GMDS: variants seen among roughly 807,000 people sequenced by gnomAD.
GMDS encodes the protein GDP-mannose 4,6-dehydratase.
A neutral mutation model predicts 49.9 loss-of-function variants in GMDS; 20 were observed. The ratio of observed to expected loss-of-function variants is 0.40; its 90% CI spans 0.28 to 0.58. GMDS has a LOEUF of 0.58. GMDS is among the 20% of genes least tolerant of loss of function. The pLI, the probability that GMDS is intolerant of heterozygous loss-of-function variation, is 0.42. For missense variants in GMDS, 362 were observed against 481.4 expected (o/e 0.75, Z 2.32); for synonymous variants, 177 against 178.6 (o/e 0.99, Z 0.07).
chr6:1,792,084 C>T (rs570211341), intron 7 of GMDS, among the ~76,000 whole-genome samples: 1 of 152,208 alleles, frequency 6.6e-6, no homozygotes, highest in Admixed American at 6.5e-5. Context: ...ACTCACTTCC[C>T]CTCTATAATT....
At chr6:2,115,993 G>A in intron 3 of GMDS, 113 bp from the exon 4 acceptor site, 2 of 684,348 alleles carry the variant, frequency 2.9e-6, no homozygotes, top group South Asian at 1.7e-5. Flanking sequence ...GGGTCAAAAT[G>A]GAAATGCTGT....
intron 7 of GMDS, among the ~76,000 whole-genome samples, chr6:1,776,208 A>G (rs1452619666): frequency 6.6e-6 from 1 of 152,210 alleles, no homozygotes; most frequent in Non-Finnish European, 1.5e-5. Context: ...GCAGTGAATA[A>G]AGACCATTTC....
chr6:1,799,390 C>A (rs1327027997), intron 7 of GMDS, among the ~76,000 whole-genome samples: 1 of 152,128 alleles, frequency 6.6e-6, no homozygotes, highest in Non-Finnish European at 1.5e-5. Context: ...CAACACGGTG[C>A]CTTTTGACTC....
chr6:1,782,891 T>C lies in GMDS; in HGVS notation c.772-40305A>G, dbSNP rs368516708. Among the ~76,000 whole-genome samples, 4 of 152,328 alleles carry C rather than the reference T, an allele frequency of 2.6e-5. 1 individual carries two copies. In the East Asian group the frequency reaches 7.7e-4, roughly 29 times the overall value. ...CACAGAGGCTGGGTGTGGTGGCTCA[T>C]GCCTGTAATCCCAAAACTTTCGGAG... On this transcript the variant is annotated intron_variant, in intron 7 of 10. Transcript: ENST00000380815.
intron 7 of GMDS, among the ~76,000 whole-genome samples, chr6:1,854,387 C>T (rs989502079): frequency 2.0e-5 from 3 of 152,212 alleles, no homozygotes; most frequent in Non-Finnish European, 4.4e-5. Context: ...CACCAAAACA[C>T]AACACGCTGA....
chr6:2,073,572 C>T (rs1345124745), intron 4 of GMDS, among the ~76,000 whole-genome samples: 1 of 152,142 alleles, frequency 6.6e-6, no homozygotes, highest in Non-Finnish European at 1.5e-5. Flanking sequence ...AGTCACCCTA[C>T]CCTGCTACCA....
At chr6:1,720,548 G>A (rs1031112048) in intron 9 of GMDS, among the ~76,000 whole-genome samples, 1 of 152,168 alleles carries the variant, frequency 6.6e-6, no homozygotes, top group Non-Finnish European at 1.5e-5. Context: ...AATTACAAAA[G>A]AGGAAGCATT....
chr6:2,154,683 T>C (rs1170608451), intron 1 of GMDS, among the ~76,000 whole-genome samples: 1 of 151,918 alleles, frequency 6.6e-6, no homozygotes, highest in African/African-American at 2.4e-5. Flanking sequence ...TTTATAGTAT[T>C]AATAATAATT....
intron 4 of GMDS, among the ~76,000 whole-genome samples, chr6:2,091,638 G>A (rs2127476773): frequency 6.6e-6 from 1 of 152,312 alleles, no homozygotes; most frequent in African/African-American, 2.4e-5. Flanking sequence ...TAAGAATCAG[G>A]AGGCTGGCAC....
chr6:2,078,952 A>G (rs906086688), intron 4 of GMDS, among the ~76,000 whole-genome samples: 7 of 149,208 alleles, frequency 4.7e-5, no homozygotes, highest in African/African-American at 1.7e-4. Flanking sequence ...TGTTGGACAC[A>G]TATATATTTA....
chr6:2,018,885 A>C (rs1768071575), intron 4 of GMDS, among the ~76,000 whole-genome samples: 1 of 152,070 alleles, frequency 6.6e-6, no homozygotes, highest in Non-Finnish European at 1.5e-5. Context: ...TGGTAACTTG[A>C]CATTTAACCT....
At chr6:1,874,984 A>G (rs908800626) in intron 7 of GMDS, among the ~76,000 whole-genome samples, 1 of 152,260 alleles carries the variant, frequency 6.6e-6, no homozygotes, top group African/African-American at 2.4e-5. Flanking sequence ...CAGTAAATTA[A>G]ACATTTAAAG....
chr6:2,075,802 T>C (rs1282390330), intron 4 of GMDS, among the ~76,000 whole-genome samples: 2 of 152,220 alleles, frequency 1.3e-5, no homozygotes, highest in Non-Finnish European at 2.9e-5. Flanking sequence ...AAATGGTATT[T>C]CTAATTCTAG....
At chr6:1,696,036 A>C (rs1451908444) in intron 9 of GMDS, among the ~76,000 whole-genome samples, 1 of 151,758 alleles carries the variant, frequency 6.6e-6, no homozygotes, top group African/African-American at 2.4e-5. Flanking sequence ...ACAGGCAGCC[A>C]AGTCAACTCA....
chr6:1,838,141 G>A (rs1581241732), intron 7 of GMDS, among the ~76,000 whole-genome samples: 1 of 152,306 alleles, frequency 6.6e-6, no homozygotes, highest in Non-Finnish European at 1.5e-5. Flanking sequence ...AAGAAAAAGG[G>A]AGGAGGCTTT....
chr6:1,668,929 T>A (rs1228929665), intron 9 of GMDS, among the ~76,000 whole-genome samples: 1 of 152,214 alleles, frequency 6.6e-6, no homozygotes, highest in Non-Finnish European at 1.5e-5. Context: ...ACAGAGCCAG[T>A]GAGTTGCCAA....
intron 7 of GMDS, among the ~76,000 whole-genome samples, chr6:1,802,236 C>T (rs913475355): frequency 6.6e-6 from 1 of 152,136 alleles, no homozygotes; most frequent in African/African-American, 2.4e-5. Flanking sequence ...TAATACTGTC[C>T]TAATGAATGT....
intron 1 of GMDS, among the ~76,000 whole-genome samples, chr6:2,194,039 T>TAAA (rs529615148): frequency 7.3e-6 from 1 of 136,188 alleles, no homozygotes; most frequent in Admixed American, 7.2e-5. Context: ...TATTTTTTTT[T>TAAA]AAAAAAAAAG....
chr6:1,781,839 C>CA (rs1769102676), intron 7 of GMDS, among the ~76,000 whole-genome samples: 1 of 150,758 alleles, frequency 6.6e-6, no homozygotes, highest in Non-Finnish European at 1.5e-5. Flanking sequence ...AGAACTGGTG[C>CA]AATCCTCTCA....
Sources: allele counts gnomAD v4.1 joint callset (sites outside exome capture counted in the v4.1 genomes callset), GRCh38; gene constraint gnomAD v4.1.1; transcripts MANE v1.5; gene names NCBI Gene and HGNC (gene_info 2026-07-23, HGNC 2026-07-21).